Variants in COL14A1 observed in about 807,000 individuals in gnomAD.
COL14A1 encodes collagen type XIV alpha 1 chain, also known as collagen alpha-1(XIV) chain.
COL14A1 carries 136 observed loss-of-function variants against 230.3 expected under a neutral mutation model. The ratio of observed to expected loss-of-function variants is 0.59; its 90% CI spans 0.51 to 0.68. The LOEUF (loss-of-function observed/expected upper bound fraction) is 0.68. Among genes scored for constraint, COL14A1 ranks in the 30% least tolerant of loss-of-function variants. The pLI is 0.00. For missense variants in COL14A1, 1,976 were observed against 2,215.8 expected (o/e 0.89, Z 2.17); for synonymous variants, 792 against 784.1 (o/e 1.01, Z -0.17).
chr8:120,371,049 C>A, intron 47 of COL14A1, 103 bp from the exon 48 acceptor site: 1 of 1,111,974 alleles, frequency 9.0e-7, no homozygotes, highest in Non-Finnish European at 1.3e-6. Flanking sequence ...CTGCTTTTTA[C>A]CCAGCAGGAT....
chr8:120,202,872 A>G (rs1817295504), intron 8 of COL14A1, among the ~76,000 whole-genome samples: 1 of 151,458 alleles, frequency 6.6e-6, no homozygotes, highest in South Asian at 2.1e-4. Flanking sequence ...GGAATTTTCT[A>G]TTTACATTAG....
chr8:120,133,262 AG>A (rs1814603178), intron 1 of COL14A1, among the ~76,000 whole-genome samples: 1 of 151,894 alleles, frequency 6.6e-6, no homozygotes, highest in African/African-American at 2.4e-5. Flanking sequence ...TCCAAAGTAC[AG>A]TATAGAGAAA....
rs561473836 is a variant in COL14A1 at position 120,169,629 on chromosome 8, G to C, written c.436+1382G>C. Among the ~76,000 whole-genome samples, 5 of 151,640 alleles carry C rather than the reference G, an allele frequency of 3.3e-5. No homozygotes were observed. The South Asian group carries it at 1.0e-3, about 32-fold the overall frequency. ...GTATTTTTGCAAATATTTTCTCCTGGTGTATAATTTGCCTTGCAACTTTAT... is the reference window on the plus strand; with the variant it reads ...GTATTTTTGCAAATATTTTCTCCTGCTGTATAATTTGCCTTGCAACTTTAT... On this transcript the variant is annotated intron_variant, in intron 5 of 47. Coordinates refer to ENST00000297848, the MANE Select transcript of COL14A1 (RefSeq NM_021110.4).
intron 5 of COL14A1, among the ~76,000 whole-genome samples, chr8:120,168,855 C>T (rs575429752): frequency 1.4e-4 from 21 of 152,000 alleles, no homozygotes; most frequent in African/African-American, 4.6e-4. Flanking sequence ...TGATTAGTCC[C>T]CCCAACCCCG....
At chr8:120,191,693 G>T (rs1816831880) in intron 5 of COL14A1, among the ~76,000 whole-genome samples, 1 of 150,458 alleles carries the variant, frequency 6.6e-6, no homozygotes, top group African/African-American at 2.4e-5. Flanking sequence ...TCTCTTTGTA[G>T]GTCACTCAGG....
rs1464603619 is a variant in COL14A1, at chr8:120,203,927, T to C, written c.1039+57T>C. On this transcript the variant is annotated intron_variant, in intron 9 of 47. Coordinates refer to ENST00000297848, the MANE Select transcript of COL14A1 (RefSeq NM_021110.4). ...GTCAGTATTATGGTGCACAAGCCTA[T>C]TGTGAATTGGGAAAATTCTTTTCAT... The C allele has an allele frequency of 1.8e-5, 28 of 1,515,016 alleles. 1 individual carries two copies. The South Asian group carries it at 2.0e-4, about 11-fold the overall frequency. The allele number at this position is 1,515,016 out of a possible 1,614,324, so 93.8% of individuals were successfully genotyped here.
chr8:120,370,425 A>C lies in COL14A1; in HGVS notation c.5312-727A>C, dbSNP rs1034910498. On this transcript the variant is annotated intron_variant, in intron 47 of 47. Coordinates refer to ENST00000297848, the MANE Select transcript of COL14A1 (RefSeq NM_021110.4). The stretch of plus-strand genomic sequence containing the variant: ...CCAGACATTTAGCTGTGGATACAGA[A>C]CTGTCCTGTCAACCACCACCACCAC... 7.5e-6 allele frequency: 12 copies of C among 1,597,856 alleles called. No homozygotes were observed. In the Admixed American group the frequency reaches 1.4e-4, roughly 18 times the overall value.
chr8:120,174,974 T>A (rs910654996), intron 5 of COL14A1, among the ~76,000 whole-genome samples: 1 of 152,190 alleles, frequency 6.6e-6, no homozygotes, highest in African/African-American at 2.4e-5. Context: ...GTCGTGGTAC[T>A]CTCGTGATCC....
chr8:120,285,681 A>G (rs929733746), intron 32 of COL14A1, among the ~76,000 whole-genome samples, 180 bp from the exon 33 acceptor site: 2 of 152,132 alleles, frequency 1.3e-5, no homozygotes, highest in African/African-American at 4.8e-5. Context: ...TAATCAGTTC[A>G]TGTAACCAAC....
At chr8:120,257,271 C>CTA (rs1819185126) in intron 23 of COL14A1, among the ~76,000 whole-genome samples, 1 of 152,130 alleles carries the variant, frequency 6.6e-6, no homozygotes, top group South Asian at 2.1e-4. Flanking sequence ...CTTAATTGAA[C>CTA]AAGAACGAAC....
chr8:120,301,717 C>T (rs768929924), intron 36 of COL14A1, among the ~76,000 whole-genome samples: 24 of 152,096 alleles, frequency 1.6e-4, no homozygotes, highest in African/African-American at 5.1e-4. Flanking sequence ...TGGGTATATA[C>T]GCAGTAATAG....
chr8:120,333,674 C>T (rs1277251192), intron 42 of COL14A1, among the ~76,000 whole-genome samples: 2 of 152,168 alleles, frequency 1.3e-5, no homozygotes, highest in Non-Finnish European at 2.9e-5. Flanking sequence ...TTCCGCAGGT[C>T]AGAAGTCTGG....
intron 26 of COL14A1, among the ~76,000 whole-genome samples, chr8:120,274,333 AATAAAT>A (rs1318511383): frequency 6.6e-6 from 1 of 151,912 alleles, no homozygotes; most frequent in African/African-American, 2.4e-5. Context: ...ACCTCAAAAT[AATAAAT>A]GCTATATATA....
chr8:120,196,015 C>T (rs1376460322), intron 5 of COL14A1, among the ~76,000 whole-genome samples: 1 of 152,194 alleles, frequency 6.6e-6, no homozygotes, highest in East Asian at 1.9e-4. Context: ...AACCATTCAC[C>T]TTCTGCATTT....
chr8:120,302,805 C>T (rs1415970326), intron 36 of COL14A1, among the ~76,000 whole-genome samples: 1 of 152,174 alleles, frequency 6.6e-6, no homozygotes, highest in Non-Finnish European at 1.5e-5. Flanking sequence ...ATAGGAGCAG[C>T]AGTAACACTG....
chr8:120,150,098 A>G (rs1815232330), intron 2 of COL14A1, among the ~76,000 whole-genome samples: 1 of 152,200 alleles, frequency 6.6e-6, no homozygotes, highest in Non-Finnish European at 1.5e-5. Flanking sequence ...TTTGCCTTCA[A>G]CCAGGTTACT....
chr8:120,233,810 TG>T (rs1451184851), intron 19 of COL14A1, among the ~76,000 whole-genome samples: 1 of 152,230 alleles, frequency 6.6e-6, no homozygotes, highest in Non-Finnish European at 1.5e-5. Context: ...GACTCTTTTT[TG>T]GTTCCATGTG....
At chr8:120,305,366 C>T (rs1820827525) in intron 36 of COL14A1, among the ~76,000 whole-genome samples, 1 of 152,146 alleles carries the variant, frequency 6.6e-6, no homozygotes, top group Admixed American at 6.5e-5. Context: ...AATATTCTCT[C>T]ATTAAGGAAT....
chr8:120,183,767 G>A (rs1203402891), intron 5 of COL14A1, among the ~76,000 whole-genome samples: 7 of 152,186 alleles, frequency 4.6e-5, no homozygotes, highest in Non-Finnish European at 8.8e-5. Context: ...ATCCCAGGTC[G>A]AATATAGGAC....
Sources: gnomAD v4.1 joint callset for allele counts (sites outside exome capture counted in the v4.1 genomes callset) on GRCh38, gnomAD v4.1.1 for gene constraint, MANE v1.5 for transcripts, NCBI Gene and HGNC (gene_info 2026-07-23, HGNC 2026-07-21) for gene names.